MAML3: variants seen among roughly 807,000 people sequenced by gnomAD.
MAML3 encodes the protein mastermind-like protein 3.
A neutral mutation model predicts 101.9 loss-of-function variants in MAML3; 27 were observed. The ratio of observed to expected loss-of-function variants is 0.27; its 90% confidence interval spans 0.20 to 0.37. The LOEUF (loss-of-function observed/expected upper bound fraction) is 0.37, where lower values mean the gene tolerates loss of function less well. Among genes scored for constraint, MAML3 ranks in the 10% least tolerant of loss-of-function variants. MAML3 has a pLI of 1.00. For missense variants in MAML3, 1,316 were observed against 1,444.9 expected (o/e 0.91, Z 1.45); for synonymous variants, 501 against 555.9 (o/e 0.90, Z 1.39).
chr4:140,041,036 T>G (rs1727077705), intron 1 of MAML3, among the ~76,000 whole-genome samples: 1 of 152,138 alleles, frequency 6.6e-6, no homozygotes, highest in Non-Finnish European at 1.5e-5. Context: ...ACAAAATGAT[T>G]TGACTGTGAA....
intron 1 of MAML3, among the ~76,000 whole-genome samples, chr4:140,110,668 G>A (rs898430529): frequency 1.3e-5 from 2 of 152,182 alleles, no homozygotes; most frequent in African/African-American, 4.8e-5. Context: ...ACATGGACTT[G>A]AAAAGCAAAC....
chr4:140,148,830 T>C, intron 1 of MAML3, among the ~76,000 whole-genome samples: 1 of 152,248 alleles, frequency 6.6e-6, no homozygotes, highest in South Asian at 2.1e-4. Context: ...ATGTTATGAA[T>C]TTTTTGTGAT....
intron 1 of MAML3, among the ~76,000 whole-genome samples, chr4:139,892,833 A>G (rs1052067657): frequency 2.7e-5 from 4 of 149,450 alleles, no homozygotes; most frequent in Admixed American, 6.7e-5. Flanking sequence ...TGAGAGGCTG[A>G]GGCAGGAGAA....
chr4:139,719,669 G>C lies in MAML3; in HGVS notation c.3071C>G (p.Ala1024Gly), dbSNP rs750494351. The C allele has an allele frequency of 6.2e-7, 1 of 1,613,210 alleles. No homozygotes were observed. The highest frequency in any genetic ancestry group is 1.7e-5 in the Admixed American group (1 of 59,926). ...NTGTVRTLNP[A>G]AMGRQMMPSL... The stretch of plus-strand genomic sequence containing the variant: ...TGGCATCATCTGCCGACCCATGGCA[G>C]CTGGGTTGAGGGTCCTCACTGTGCC... Residue 1024 changes from alanine (A) to glycine (G), a missense_variant, in exon 5 of 5, where the codon GCT becomes GGT. Transcript: ENST00000509479.
rs1730545409 is a variant in MAML3, at chr4:139,798,064, GAAAGAAAGAAAGAAA to G, written c.2080-67412_2080-67398del. Among the ~76,000 whole-genome samples, 3 of 150,544 alleles carry G rather than the reference GAAAGAAAGAAAGAAA, an allele frequency of 2.0e-5. No individual in the cohort carries two copies. In the Admixed American group the frequency reaches 2.0e-4, roughly 10 times the overall value. ...AGAAAGAAAGAAAGAAAGAAAGAAA[GAAAGAAAGAAAGAAA>G]GAAAGAAAGAAAGAAAAGGGATTAA... On this transcript the variant is annotated intron_variant, in intron 2 of 4. Transcript: ENST00000509479.
chr4:140,109,254 A>G (rs1728401816), intron 1 of MAML3, among the ~76,000 whole-genome samples: 1 of 152,246 alleles, frequency 6.6e-6, no homozygotes, highest in Non-Finnish European at 1.5e-5. Flanking sequence ...ACATTCAAGT[A>G]GATGTAGTCC....
chr4:140,112,342 G>C (rs1001892310), intron 1 of MAML3, among the ~76,000 whole-genome samples: 1 of 152,020 alleles, frequency 6.6e-6, no homozygotes, highest in Non-Finnish European at 1.5e-5. Flanking sequence ...CCCAGCCCAA[G>C]AATGTAGCCA....
At chr4:139,988,517 C>G (rs1024583495) in intron 1 of MAML3, among the ~76,000 whole-genome samples, 4 of 152,024 alleles carry the variant, frequency 2.6e-5, no homozygotes, top group African/African-American at 4.8e-5. Flanking sequence ...AGCAAAAATT[C>G]CCGTTTCATG....
In MAML3 at chr4:140,045,446, TTTTG is replaced by T. The variant is rs567451248; in HGVS notation, c.468+107410_468+107413del. ...CTATATATTGTGTTCTAGTGCCTGT[TTTTG>T]TTTGTTTGTTTTTTTTAATATTGCA... is the stretch of plus-strand genomic sequence containing the variant. On this transcript the variant is annotated intron_variant, in intron 1 of 4. Coordinates refer to ENST00000509479, the MANE Select transcript of MAML3 (RefSeq NM_018717.5). 3.2e-4 allele frequency among the ~76,000 whole-genome samples: 49 copies of T among 152,160 alleles called. No homozygotes were observed. The East Asian group carries it at 3.5e-3, about 11-fold the overall frequency.
intron 1 of MAML3, among the ~76,000 whole-genome samples, chr4:139,951,414 G>T (rs536395842): frequency 2.0e-5 from 3 of 152,380 alleles, no homozygotes; most frequent in Non-Finnish European, 2.9e-5. Flanking sequence ...GTCTTTCCCT[G>T]CTTCTGGAGG....
At position 139,719,087 on chromosome 4, in the gene MAML3, C is replaced by G. The variant is rs1215343269; in HGVS notation, c.*236G>C. On this transcript the variant is annotated 3_prime_UTR_variant, in exon 5 of 5. Transcript: ENST00000509479. ...CACCTGCTCCTCCGGGTGTCTCCCT[C>G]TCTCGCAGCCGGGATCTGCATGGCG... 8.0e-6 allele frequency: 4 copies of G among 502,582 alleles called. No homozygotes were observed. Among genetic ancestry groups the G allele is most frequent in the Non-Finnish European group, 1.4e-5 (4 of 289,836 alleles). The allele number at this position is 502,582 out of a possible 1,614,324, so 31.1% of individuals were successfully genotyped here.
rs70943444 is a variant in MAML3 at position 139,832,094 on chromosome 4, C to CTTTT, written c.2079+57259_2079+57262dup. 7.9e-3 allele frequency among the ~76,000 whole-genome samples: 508 copies of CTTTT among 64,688 alleles called. 26 individuals carry two copies. The highest frequency in any genetic ancestry group is 0.015 in the Non-Finnish European group (439 of 29,894). The allele number at this position is 64,688 out of a possible 152,430, so 42.4% of individuals were successfully genotyped here. A position where few individuals can be genotyped will look rare whatever the true frequency, so the allele number is the denominator to read the frequency against. On this transcript the variant is annotated intron_variant, in intron 2 of 4. Transcript: ENST00000509479. Reference sequence around the variant, plus strand: ...AGGCGTGAGCCATCATGCCCAGCCCCTTTTTTTTTTTTTTTTTTTTTTTTT... The same window carrying CTTTT: ...AGGCGTGAGCCATCATGCCCAGCCCCTTTTTTTTTTTTTTTTTTTTTTTTTTTTT...
chr4:139,852,403 G>GTTTTTTTTTTTTTTGTTGTTTTT (rs1731572998), intron 2 of MAML3, among the ~76,000 whole-genome samples: 8 of 68,350 alleles, frequency 1.2e-4, no homozygotes, highest in African/African-American at 4.6e-4. Flanking sequence ...TCAGAAGACT[G>GTTTTTTTTTTTTTTGTTGTTTTT]TTTTTTTTTT....
At chr4:139,992,765 G>A (rs536584833) in intron 1 of MAML3, among the ~76,000 whole-genome samples, 3 of 152,194 alleles carry the variant, frequency 2.0e-5, no homozygotes, top group African/African-American at 7.2e-5. Flanking sequence ...CACCATGTTG[G>A]CCAGGATGGT....
intron 1 of MAML3, among the ~76,000 whole-genome samples, chr4:140,018,805 C>G (rs1020969937): frequency 6.6e-6 from 1 of 152,060 alleles, no homozygotes; most frequent in African/African-American, 2.4e-5. Flanking sequence ...CTTATTATAA[C>G]TTATGTAACT....
intron 1 of MAML3, among the ~76,000 whole-genome samples, chr4:140,039,085 T>C (rs775773630): frequency 2.6e-5 from 4 of 151,810 alleles, no homozygotes; most frequent in Non-Finnish European, 4.4e-5. Context: ...ATCGTGCCAC[T>C]GCACTCCAGC....
intron 2 of MAML3, among the ~76,000 whole-genome samples, chr4:139,778,775 G>C (rs1353996874): frequency 2.0e-5 from 3 of 152,088 alleles, no homozygotes. Context: ...ACGAGGTCAA[G>C]AGACGGAGAC....
At chr4:140,021,046 A>G (rs919176033) in intron 1 of MAML3, among the ~76,000 whole-genome samples, 6 of 152,182 alleles carry the variant, frequency 3.9e-5, no homozygotes, top group African/African-American at 1.4e-4. Context: ...TTTCATTTTT[A>G]AAGTACCCAA....
chr4:139,866,163 G>A (rs886765968), intron 2 of MAML3, among the ~76,000 whole-genome samples: 2 of 152,222 alleles, frequency 1.3e-5, no homozygotes, highest in Non-Finnish European at 2.9e-5. Flanking sequence ...CAGTGGCCAC[G>A]AAGGTATACT....
Sources: allele counts gnomAD v4.1 joint callset (sites outside exome capture counted in the v4.1 genomes callset), GRCh38; gene constraint gnomAD v4.1.1; transcripts MANE v1.5; gene names NCBI Gene and HGNC (gene_info 2026-07-23, HGNC 2026-07-21).